The following TMPRSS3 variants were observed in gnomAD, a reference collection of about 807,000 sequenced individuals.
TMPRSS3 encodes the protein transmembrane serine protease 3.
In TMPRSS3, 55 loss-of-function variants were observed where a neutral mutation model predicts 59.6. The ratio of observed to expected loss-of-function variants is 0.92; its 90% CI spans 0.74 to 1.16. The LOEUF is 1.16. Among genes scored for constraint, TMPRSS3 ranks in the 50% most tolerant of loss-of-function variants. The pLI is 0.00. For synonymous variants in TMPRSS3, 257 were observed against 237.7 expected (o/e 1.08, Z -0.75); for missense variants, 596 against 579.4 (o/e 1.03, Z -0.29).
chr21:42,375,858 C>T lies in TMPRSS3; in HGVS notation c.1202G>A (p.Gly401Glu), dbSNP rs777302040. Residue 401 changes from glycine (G) to glutamate (E), a missense_variant, in exon 12 of 13, where the codon GGG becomes GAG. By Grantham distance (98) the Gly-to-Glu change is moderately conservative. Coordinates refer to ENST00000644384, the MANE Select transcript of TMPRSS3 (RefSeq NM_001256317.3). ...GGVDSCQGDS[G>E]GPLVCQERRL... ...CCTCTCTTGACACACCAGGGGCCCC[C>T]CGCTGTCCCCCTGGGTGACAGGAAA... The T allele has an allele frequency of 6.2e-7, 1 of 1,613,760 alleles. No homozygotes were observed. The highest frequency in any genetic ancestry group is 8.5e-7 in the Non-Finnish European group (1 of 1,180,026).
Position 42,383,134 on chromosome 21 carries a change from C to T in TMPRSS3, c.681G>A (p.Gln227=), listed in dbSNP as rs201260442. 345 of 1,614,216 alleles carry T rather than the reference C, an allele frequency of 2.1e-4. 1 individual carries two copies. The East Asian group carries it at 6.8e-3, about 32-fold the overall frequency. ...ACTGAAGGCTGGCCTGCCAGGGCCA[C>T]TGCGAGAGCAAGGACATGTTTCCAC... is the stretch of plus-strand genomic sequence containing the variant. ...IVGGNMSLLS[Q]WPWQASLQFQ... The change falls in exon 8 of 13, where the codon CAG becomes CAA. Residue 227 remains glutamine (Q), a synonymous_variant. Coordinates refer to ENST00000644384, the MANE Select transcript of TMPRSS3 (RefSeq NM_001256317.3).
rs765085568 is a variant in TMPRSS3 at position 42,372,166 on chromosome 21, G to A, written c.*596C>T. 7 of 440,330 alleles carry A rather than the reference G, an allele frequency of 1.6e-5. No homozygotes were observed. Among genetic ancestry groups the A allele is most frequent in the African/African-American group, 4.1e-5 (2 of 49,108 alleles). 27.3% of individuals were successfully genotyped at this position (440,330 alleles called of 1,614,324 possible). A position where few individuals can be genotyped will look rare whatever the true frequency, so the allele number is the denominator to read the frequency against. On this transcript the variant is annotated 3_prime_UTR_variant, in exon 13 of 13. Coordinates refer to ENST00000644384, the MANE Select transcript of TMPRSS3 (RefSeq NM_001256317.3). Reference sequence around the variant, plus strand: ...GTGAGGTCACATAACTGCTTATCTCGTCAGGAATTTTGCAAGACCCCTGGA... The same window carrying A: ...GTGAGGTCACATAACTGCTTATCTCATCAGGAATTTTGCAAGACCCCTGGA...
chr21:42,380,288 C>A, intron 9 of TMPRSS3, 76 bp from the exon 10 acceptor site: 3 of 1,247,284 alleles, frequency 2.4e-6, no homozygotes, highest in Admixed American at 1.9e-5. Context: ...TATGCTTCTG[C>A]CTCTGAGGAG....
At chr21:42,375,232 C>G (rs1207675691) in intron 12 of TMPRSS3, among the ~76,000 whole-genome samples, 1 of 141,778 alleles carries the variant, frequency 7.1e-6, no homozygotes, top group Non-Finnish European at 1.5e-5. Flanking sequence ...GGACCCCCCA[C>G]CCCCCCACAC....
chr21:42,375,603 T>A, intron 12 of TMPRSS3, 113 bp downstream of exon 12: 1 of 1,397,112 alleles, frequency 7.2e-7, no homozygotes, highest in African/African-American at 1.4e-5. Context: ...TGCTGCTGAA[T>A]TGACAACCAC....
chr21:42,376,553 C>G lies in TMPRSS3; in HGVS notation c.1179G>C (p.Val393=). 6.2e-7 allele frequency: 1 copy of G among 1,613,442 alleles called. No homozygotes were observed. The highest frequency in any genetic ancestry group is 8.5e-7 in the Non-Finnish European group (1 of 1,179,918). Reference sequence around the variant, plus strand: ...TGCGGCCCCGTACCTGGCAGCTGTCCACGCCACCCGTCAGGTAGCCCGCGC... The same window carrying G: ...TGCGGCCCCGTACCTGGCAGCTGTCGACGCCACCCGTCAGGTAGCCCGCGC... ...MLCAGYLTGG[V]DSCQGDSGGP... is the part of the protein sequence containing the mutation. The change falls in exon 11 of 13, where the codon GTG becomes GTC. Residue 393 remains valine (V), a synonymous_variant. Coordinates refer to ENST00000644384, the MANE Select transcript of TMPRSS3 (RefSeq NM_001256317.3).
In TMPRSS3 at chr21:42,384,416, C is replaced by T. The variant is rs143721942; in HGVS notation, c.573-403G>A. ...CAGCGTGGCAAGCTCTCTAGGACTC[C>T]TTGTAGCCTGGGTTCACACATCTGG... is the stretch of plus-strand genomic sequence containing the variant. On this transcript the variant is annotated intron_variant, in intron 6 of 12. Transcript: ENST00000644384. 2.1e-3 allele frequency among the ~76,000 whole-genome samples: 327 copies of T among 152,276 alleles called. 3 individuals carry two copies. The highest frequency in any genetic ancestry group is 7.5e-3 in the African/African-American group (312 of 41,556).
chr21:42,383,005 G>T (rs753725625), intron 8 of TMPRSS3, 28 bp downstream of exon 8: 1 of 1,613,456 alleles, frequency 6.2e-7, no homozygotes, highest in Admixed American at 1.7e-5. Context: ...GTGAACAGGG[G>T]TCTGGGAAGA....
chr21:42,383,083 GC>G lies in TMPRSS3; in HGVS notation c.731del (p.Gly244AlafsTer31). 1 of 1,614,154 alleles carries G rather than the reference GC, an allele frequency of 6.2e-7. No homozygotes were observed. The highest frequency in any genetic ancestry group is 8.5e-7 in the Non-Finnish European group (1 of 1,180,036). On this transcript the variant is annotated frameshift_variant, in exon 8 of 13. Coordinates refer to ENST00000644384, the MANE Select transcript of TMPRSS3 (RefSeq NM_001256317.3). LOFTEE classifies it high-confidence loss of function. ...TGATCCACAGGGGCGTGATGACAGAGCCCCCGCACAGGTGGTAGCCCTGGAA... is the reference window on the plus strand; with the variant it reads ...TGATCCACAGGGGCGTGATGACAGAGCCCCGCACAGGTGGTAGCCCTGGAA... ...LQFQGYHLCG[G>X]SVITPLWIIT...
chr21:42,376,808 AAC>A, intron 10 of TMPRSS3, 125 bp from the exon 11 acceptor site: 1 of 1,430,938 alleles, frequency 7.0e-7, no homozygotes. Context: ...GGTGTGTCGC[AAC>A]AGCGGAAAAG....
intron 6 of TMPRSS3, 111 bp downstream of exon 6, chr21:42,385,298 C>T (rs11701785): frequency 2.0e-6 from 3 of 1,493,474 alleles, no homozygotes; most frequent in Admixed American, 3.3e-5. Context: ...CACCTTCCAT[C>T]TGAGATAACA....
chr21:42,384,682 G>T (rs114032445), intron 6 of TMPRSS3, among the ~76,000 whole-genome samples: 2,360 of 152,300 alleles, frequency 0.015, 61 homozygotes, highest in African/African-American at 0.054. Flanking sequence ...CCAGACTGCA[G>T]GTGGGTCCCG....
At position 42,385,525 on chromosome 21, in the gene TMPRSS3, A is replaced by G. The variant is rs776255076; in HGVS notation, c.456T>C (p.Ser152=). 1 of 1,614,128 alleles carries G rather than the reference A, an allele frequency of 6.2e-7. No homozygotes were observed. The highest frequency in any genetic ancestry group is 8.5e-7 in the Non-Finnish European group (1 of 1,180,006). The change falls in exon 6 of 13, where the codon AGT becomes AGC. Residue 152 remains serine (S), a synonymous_variant. Coordinates refer to ENST00000644384, the MANE Select transcript of TMPRSS3 (RefSeq NM_001256317.3). ...CAQLGFPSYV[S]SDNLRVSSLE... is the part of the protein sequence containing the mutation. ...GCGAGCTCACTCTGAGGTTATCTGAACTCACATAGCTGCAAGCACATTGGA... is the reference window on the plus strand; with the variant it reads ...GCGAGCTCACTCTGAGGTTATCTGAGCTCACATAGCTGCAAGCACATTGGA...
chr21:42,372,140 C>T lies in TMPRSS3; in HGVS notation c.*622G>A, dbSNP rs1218184122. ...CTGAGTGGCTGTTGGTGGCTTTGCACGTGAGGTCACATAACTGCTTATCTC... is the reference window on the plus strand; with the variant it reads ...CTGAGTGGCTGTTGGTGGCTTTGCATGTGAGGTCACATAACTGCTTATCTC... On this transcript the variant is annotated 3_prime_UTR_variant, in exon 13 of 13. Coordinates refer to ENST00000644384, the MANE Select transcript of TMPRSS3 (RefSeq NM_001256317.3). The T allele has an allele frequency of 1.8e-5, 8 of 453,890 alleles. No individual in the cohort carries two copies. The East Asian group carries it at 4.8e-4, about 27-fold the overall frequency. 28.1% of individuals were successfully genotyped at this position (453,890 alleles called of 1,614,324 possible). A position where few individuals can be genotyped will look rare whatever the true frequency, so the allele number is the denominator to read the frequency against.
chr21:42,383,137 C>T lies in TMPRSS3; in HGVS notation c.678G>A (p.Ser226=), dbSNP rs556073981. The T allele has an allele frequency of 3.0e-5, 48 of 1,614,186 alleles. No individual in the cohort carries two copies. In the East Asian group the frequency reaches 3.8e-4, roughly 13 times the overall value. ...GAAGGCTGGCCTGCCAGGGCCACTG[C>T]GAGAGCAAGGACATGTTTCCACCCA... is the stretch of plus-strand genomic sequence containing the variant. ...RIVGGNMSLL[S]QWPWQASLQF... is the part of the protein sequence containing the mutation. Residue 226 remains serine, a synonymous_variant, in exon 8 of 13, where the codon TCG becomes TCA. Coordinates refer to ENST00000644384, the MANE Select transcript of TMPRSS3 (RefSeq NM_001256317.3).
chr21:42,390,215 C>T (rs2052713145), intron 2 of TMPRSS3, 178 bp from the exon 3 acceptor site: 1 of 638,532 alleles, frequency 1.6e-6, no homozygotes, highest in Non-Finnish European at 2.8e-6. Context: ...CTAGTTCAGT[C>T]CTACCTGCTC....
chr21:42,389,108 T>A lies in TMPRSS3; in HGVS notation c.206-63A>T. The A allele has an allele frequency of 2.5e-6, 4 of 1,607,086 alleles. No individual in the cohort carries two copies. The South Asian group carries it at 4.4e-5, about 18-fold the overall frequency. On this transcript the variant is annotated intron_variant, in intron 3 of 12. Coordinates refer to ENST00000644384, the MANE Select transcript of TMPRSS3 (RefSeq NM_001256317.3). ...TCTTTCAGAGTGCAACACTAACAACTGTCCCCCTGCCACACAGTGCGGAGC... is the reference window on the plus strand; with the variant it reads ...TCTTTCAGAGTGCAACACTAACAACAGTCCCCCTGCCACACAGTGCGGAGC...
intron 8 of TMPRSS3, chr21:42,382,612 C>T: frequency 2.6e-6 from 1 of 390,676 alleles, no homozygotes; most frequent in Non-Finnish European, 4.8e-6. Context: ...TTTTCTTGCA[C>T]TCTAAACTCC....
chr21:42,395,838 T>C (rs1370546509), intron 1 of TMPRSS3, 104 bp downstream of exon 1: 2 of 442,572 alleles, frequency 4.5e-6, no homozygotes, highest in African/African-American at 4.0e-5. Flanking sequence ...CAAAGCCCTT[T>C]CCATTGCTTT....
Sources: gnomAD v4.1 joint callset for allele counts (sites outside exome capture counted in the v4.1 genomes callset) on GRCh38, gnomAD v4.1.1 for gene constraint, MANE v1.5 for transcripts, NCBI Gene and HGNC (gene_info 2026-07-23, HGNC 2026-07-21) for gene names.